Variants in ATRNL1 observed in about 807,000 individuals in gnomAD.
ATRNL1 encodes the protein attractin like 1.
ATRNL1 carries 95 observed loss-of-function variants against 182.7 expected under a neutral mutation model. That is an observed-to-expected ratio of 0.52 (90% confidence interval 0.44 to 0.62). The LOEUF (loss-of-function observed/expected upper bound fraction) is 0.62, where lower values mean the gene tolerates loss of function less well. Ranked by LOEUF, ATRNL1 falls within the 20% of genes least tolerant of loss-of-function variation. The pLI is 0.00. For missense variants in ATRNL1, 1,471 were observed against 1,679.5 expected (o/e 0.88, Z 2.17); for synonymous variants, 576 against 568.3 (o/e 1.01, Z -0.19).
intron 9 of ATRNL1, among the ~76,000 whole-genome samples, chr10:115,218,137 T>C (rs1281252332): frequency 6.6e-6 from 1 of 151,882 alleles, no homozygotes; most frequent in African/African-American, 2.4e-5. Flanking sequence ...CACCATAATG[T>C]AGAATAAGTG....
At chr10:115,412,068 G>A (rs1411475287) in intron 20 of ATRNL1, among the ~76,000 whole-genome samples, 1 of 152,058 alleles carries the variant, frequency 6.6e-6, no homozygotes, top group African/African-American at 2.4e-5. Context: ...CTATTATTTT[G>A]TTACATTACA....
intron 24 of ATRNL1, among the ~76,000 whole-genome samples, chr10:115,495,428 C>T (rs1359888156): frequency 6.6e-6 from 1 of 152,150 alleles, no homozygotes; most frequent in East Asian, 1.9e-4. Context: ...AATTTGAGAT[C>T]ATTCTAACTT....
chr10:115,542,092 T>C (rs532787206), intron 25 of ATRNL1, among the ~76,000 whole-genome samples: 9 of 152,286 alleles, frequency 5.9e-5, no homozygotes, highest in African/African-American at 1.9e-4. Context: ...GAATAAGGTA[T>C]TATCCAAGTA....
intron 26 of ATRNL1, among the ~76,000 whole-genome samples, chr10:115,661,451 T>A (rs564075543): frequency 3.9e-5 from 6 of 152,270 alleles, no homozygotes; most frequent in African/African-American, 1.4e-4. Flanking sequence ...TTAATAAAAT[T>A]CAAATTAAAG....
intron 9 of ATRNL1, among the ~76,000 whole-genome samples, chr10:115,222,777 G>A (rs949835577): frequency 6.6e-6 from 1 of 152,056 alleles, no homozygotes; most frequent in African/African-American, 2.4e-5. Context: ...GTAGGCTTTC[G>A]ATAAAGGAAA....
chr10:115,358,346 C>T (rs1359126424), intron 19 of ATRNL1, among the ~76,000 whole-genome samples: 1 of 151,604 alleles, frequency 6.6e-6, no homozygotes, highest in Non-Finnish European at 1.5e-5. Context: ...TTTAAAGCTC[C>T]TTTATAAGGC....
chr10:115,174,743 G>A lies in ATRNL1; in HGVS notation c.1348+3451G>A, dbSNP rs560577945. Among the ~76,000 whole-genome samples, 4 of 152,090 alleles carry A rather than the reference G, an allele frequency of 2.6e-5. No individual in the cohort carries two copies. The South Asian group carries it at 8.3e-4, about 31-fold the overall frequency. ...AAAAATTTATTTACAAAAACAGGTGGTGGGCTAGATTTAGCCTTTGGGCCT... is the reference window on the plus strand; with the variant it reads ...AAAAATTTATTTACAAAAACAGGTGATGGGCTAGATTTAGCCTTTGGGCCT... On this transcript the variant is annotated intron_variant, in intron 8 of 28. Transcript: ENST00000355044.
rs138426402 is a variant in ATRNL1, at chr10:115,639,197, A to C, written c.3796-88051A>C. 2.0e-4 allele frequency among the ~76,000 whole-genome samples: 31 copies of C among 152,318 alleles called. No homozygotes were observed. The East Asian group carries it at 5.6e-3, about 27-fold the overall frequency. ...TTGACACCAATTTGAATGTCAGCAA[A>C]TTTCTCTTTTTAAACTATGGAGTCT... is the stretch of plus-strand genomic sequence containing the variant. On this transcript the variant is annotated intron_variant, in intron 26 of 28. Coordinates refer to ENST00000355044, the MANE Select transcript of ATRNL1 (RefSeq NM_207303.4).
chr10:115,477,179 T>G (rs191807768), intron 24 of ATRNL1, among the ~76,000 whole-genome samples: 1 of 151,706 alleles, frequency 6.6e-6, no homozygotes, highest in East Asian at 1.9e-4. Context: ...ATAACCCAAA[T>G]TCTTTCTTCT....
At chr10:115,413,997 C>G in intron 20 of ATRNL1, among the ~76,000 whole-genome samples, 1 of 151,986 alleles carries the variant, frequency 6.6e-6, no homozygotes, top group African/African-American at 2.4e-5. Context: ...GAAAGCATTT[C>G]TTCATACCAA....
At chr10:115,096,955 T>G (rs2085026189) in intron 1 of ATRNL1, 2 of 360,002 alleles carry the variant, frequency 5.6e-6, no homozygotes, top group Non-Finnish European at 4.2e-6. Flanking sequence ...TAATTCAAGT[T>G]GTATTTATTT....
At chr10:115,709,765 G>T (rs1947008936) in intron 26 of ATRNL1, among the ~76,000 whole-genome samples, 1 of 151,918 alleles carries the variant, frequency 6.6e-6, no homozygotes, top group Non-Finnish European at 1.5e-5. Context: ...TCACAATGTT[G>T]TTATTCAAAT....
chr10:115,644,466 A>G (rs1315268303), intron 26 of ATRNL1, among the ~76,000 whole-genome samples: 2 of 152,180 alleles, frequency 1.3e-5, no homozygotes, highest in East Asian at 3.9e-4. Flanking sequence ...TCAAAGAGAT[A>G]GAGTAACTTG....
At chr10:115,317,126 C>T (rs1183466494) in intron 18 of ATRNL1, among the ~76,000 whole-genome samples, 3 of 152,122 alleles carry the variant, frequency 2.0e-5, no homozygotes, top group African/African-American at 7.2e-5. Context: ...TTTCAGTTTT[C>T]TGCATATGGC....
At chr10:115,369,107 C>G (rs1459853634) in intron 19 of ATRNL1, among the ~76,000 whole-genome samples, 1 of 152,084 alleles carries the variant, frequency 6.6e-6, no homozygotes, top group East Asian at 1.9e-4. Context: ...ATAATATCCT[C>G]TAGGTTAATC....
chr10:115,527,652 G>A (rs1053331739), intron 25 of ATRNL1, among the ~76,000 whole-genome samples: 1 of 152,014 alleles, frequency 6.6e-6, no homozygotes, highest in African/African-American at 2.4e-5. Context: ...CTTTTTAATG[G>A]AAGTTGTACT....
chr10:115,540,094 A>G (rs1357186949), intron 25 of ATRNL1, among the ~76,000 whole-genome samples: 1 of 151,152 alleles, frequency 6.6e-6, no homozygotes, highest in Non-Finnish European at 1.5e-5. Flanking sequence ...AAACCTGCAC[A>G]TTGTGCACAT....
At chr10:115,810,956 AT>A (rs1251314426) in intron 27 of ATRNL1, among the ~76,000 whole-genome samples, 4 of 151,074 alleles carry the variant, frequency 2.6e-5, no homozygotes, top group African/African-American at 4.9e-5. Context: ...GGCTTTATGG[AT>A]TTTTTCCTTT....
chr10:115,473,132 T>G (rs1450995131), intron 24 of ATRNL1, among the ~76,000 whole-genome samples: 1 of 151,270 alleles, frequency 6.6e-6, no homozygotes, highest in Non-Finnish European at 1.5e-5. Flanking sequence ...TCTGTTAATG[T>G]GGTATATCAC....
Sources: gnomAD v4.1 joint callset for allele counts (sites outside exome capture counted in the v4.1 genomes callset) on GRCh38, gnomAD v4.1.1 for gene constraint, MANE v1.5 for transcripts, NCBI Gene and HGNC (gene_info 2026-07-23, HGNC 2026-07-21) for gene names.